Variants in STPG2 observed in about 807,000 individuals in gnomAD.
STPG2 encodes the protein sperm tail PG-rich repeat containing 2.
Under a neutral mutation model 54.2 loss-of-function variants are expected in STPG2, and 56 were observed. That is an observed-to-expected ratio of 1.03 (90% CI 0.83 to 1.29). The LOEUF (loss-of-function observed/expected upper bound fraction) is 1.29. Ranked by LOEUF, STPG2 falls within the 50% of genes most tolerant of loss-of-function variation. The pLI is 0.00. For missense variants in STPG2, 596 were observed against 544.9 expected, an observed-to-expected ratio of 1.09 and a Z score of -0.93; for synonymous variants, 200 against 181.8, an observed-to-expected ratio of 1.10 and a Z score of -0.81.
At chr4:97,544,347 A>G (rs996615615) in intron 4 of STPG2, among the ~76,000 whole-genome samples, 1 of 151,996 alleles carries the variant, frequency 6.6e-6, no homozygotes, top group Non-Finnish European at 1.5e-5. Context: ...TTATTGTGGG[A>G]TTTATGTGTT....
chr4:98,060,060 C>T (rs886587387), intron 5 of STPG2, among the ~76,000 whole-genome samples: 1 of 152,132 alleles, frequency 6.6e-6, no homozygotes, highest in Non-Finnish European at 1.5e-5. Flanking sequence ...AAGTCCTAGC[C>T]AGAGCAATCA....
chr4:97,804,964 T>C (rs1215381251), intron 9 of STPG2, among the ~76,000 whole-genome samples: 1 of 152,178 alleles, frequency 6.6e-6, no homozygotes, highest in African/African-American at 2.4e-5. Flanking sequence ...ATATACCATC[T>C]AGGTTTGTGT....
At chr4:97,543,042 G>C (rs1369377853) in intron 4 of STPG2, among the ~76,000 whole-genome samples, 1 of 151,920 alleles carries the variant, frequency 6.6e-6, no homozygotes, top group Non-Finnish European at 1.5e-5. Context: ...GTTAATGGGT[G>C]CAGCACACCA....
chr4:97,981,468 A>G, intron 5 of STPG2, 150 bp from the exon 6 acceptor site: 1 of 761,202 alleles, frequency 1.3e-6, no homozygotes, highest in Admixed American at 3.0e-5. Context: ...AAGATCTTGT[A>G]CCCATCAAAA....
rs550973269 is a variant in STPG2, at chr4:97,977,107, G to T, written c.772+4052C>A. On this transcript the variant is annotated intron_variant, in intron 6 of 10. Transcript: ENST00000295268. ...TATCCACGTTGTTTTCTAAAATACT[G>T]TAAAAGACTAAAAAGTGCCAGAGAA... Among the ~76,000 whole-genome samples the T allele has an allele frequency of 5.3e-5, 8 of 152,200 alleles. No homozygotes were observed. The East Asian group carries it at 1.5e-3, about 29-fold the overall frequency.
chr4:97,938,452 A>G (rs1183296087), intron 8 of STPG2, among the ~76,000 whole-genome samples: 3 of 151,590 alleles, frequency 2.0e-5, no homozygotes, highest in East Asian at 1.9e-4. Context: ...AGCCACAGTG[A>G]CTAAGTCAGA....
Position 98,104,792 on chromosome 4 carries a change from T to C in STPG2, c.612+1161A>G, listed in dbSNP as rs1739142499. Among the ~76,000 whole-genome samples the C allele has an allele frequency of 2.0e-5, 3 of 152,188 alleles. No individual in the cohort carries two copies. The South Asian group carries it at 6.2e-4, about 31-fold the overall frequency. Reference sequence around the variant, plus strand: ...AAATTACCCTTATGTAAGGTCAAATTTAAACTGTACATTAGATCTCACTAG... The same window carrying C: ...AAATTACCCTTATGTAAGGTCAAATCTAAACTGTACATTAGATCTCACTAG... On this transcript the variant is annotated intron_variant, in intron 5 of 10. Transcript: ENST00000295268.
At chr4:97,981,120 T>C (rs1323048308) in intron 6 of STPG2, 39 bp downstream of exon 6, 3 of 1,588,006 alleles carry the variant, frequency 1.9e-6, no homozygotes, top group Non-Finnish European at 2.6e-6. Context: ...AGTTTCTTTA[T>C]AAAGCCAAAG....
chr4:97,787,531 T>G (rs1328163479), intron 9 of STPG2, among the ~76,000 whole-genome samples: 1 of 152,040 alleles, frequency 6.6e-6, no homozygotes, highest in Non-Finnish European at 1.5e-5. Flanking sequence ...AACTTGATAT[T>G]TTGTTAAAGA....
At chr4:98,043,943 G>A (rs1737040615) in intron 5 of STPG2, among the ~76,000 whole-genome samples, 2 of 151,660 alleles carry the variant, frequency 1.3e-5, no homozygotes, top group South Asian at 2.1e-4. Context: ...CCTCAAGTAG[G>A]CCCCAGTGTC....
intron 1 of STPG2, among the ~76,000 whole-genome samples, chr4:98,142,828 C>T (rs1167967258): frequency 6.6e-6 from 1 of 152,172 alleles, no homozygotes; most frequent in Non-Finnish European, 1.5e-5. Context: ...AAAGTCCTAG[C>T]CATATGCTCA....
At chr4:98,055,963 T>C (rs962095594) in intron 5 of STPG2, among the ~76,000 whole-genome samples, 40 of 152,096 alleles carry the variant, frequency 2.6e-4, no homozygotes, top group Non-Finnish European at 5.9e-5. Flanking sequence ...CTTACAGCCA[T>C]ACACCAGCCC....
At chr4:97,638,480 C>T (rs1251551932) in intron 10 of STPG2, among the ~76,000 whole-genome samples, 1 of 152,114 alleles carries the variant, frequency 6.6e-6, no homozygotes, top group Admixed American at 6.5e-5. Context: ...CAACAAAAGA[C>T]AAAATTGACA....
intron 6 of STPG2, among the ~76,000 whole-genome samples, chr4:97,980,732 A>G (rs527321838): frequency 5.3e-5 from 8 of 152,200 alleles, no homozygotes; most frequent in Non-Finnish European, 1.2e-4. Flanking sequence ...TTTTGGTTCT[A>G]TATTCTTAGC....
chr4:97,904,245 G>A (rs1357443599), intron 8 of STPG2, among the ~76,000 whole-genome samples: 1 of 152,166 alleles, frequency 6.6e-6, no homozygotes, highest in Middle Eastern at 3.2e-3. Flanking sequence ...GCACACAGCT[G>A]GAGATCTGAG....
chr4:97,809,403 T>C (rs982906178), intron 9 of STPG2, among the ~76,000 whole-genome samples: 4 of 151,868 alleles, frequency 2.6e-5, no homozygotes, highest in Non-Finnish European at 5.9e-5. Flanking sequence ...ACCTACTACT[T>C]TGAAATGATT....
At chr4:97,924,798 A>G (rs1046001525) in intron 8 of STPG2, among the ~76,000 whole-genome samples, 2 of 152,130 alleles carry the variant, frequency 1.3e-5, no homozygotes, top group Non-Finnish European at 2.9e-5. Flanking sequence ...TGCATCAGGG[A>G]CCTTAAATTA....
At chr4:97,771,142 G>A (rs1726204906) in intron 9 of STPG2, among the ~76,000 whole-genome samples, 1 of 152,120 alleles carries the variant, frequency 6.6e-6, no homozygotes, top group Non-Finnish European at 1.5e-5. Flanking sequence ...TCTTGTACTT[G>A]TGAACAAGGA....
chr4:97,520,498 T>C (rs76187561), intron 4 of STPG2, among the ~76,000 whole-genome samples: 3,250 of 152,160 alleles, frequency 0.021, 70 homozygotes, highest in African/African-American at 0.059. Flanking sequence ...GATCCTCTTA[T>C]GAGAATAAAA....
Sources: allele counts gnomAD v4.1 joint callset (sites outside exome capture counted in the v4.1 genomes callset), GRCh38; gene constraint gnomAD v4.1.1; transcripts MANE v1.5; gene names NCBI Gene and HGNC (gene_info 2026-07-23, HGNC 2026-07-21).